The following MAPK9 variants were observed in gnomAD, a reference collection of about 807,000 sequenced individuals.
MAPK9 encodes mitogen-activated protein kinase 9, also known as Jun kinase.
Under a neutral mutation model 57.1 loss-of-function variants are expected in MAPK9, and 30 were observed. That is an observed-to-expected ratio of 0.53 (90% CI 0.39 to 0.71). MAPK9 has a LOEUF of 0.71. MAPK9 is among the 30% of genes least tolerant of loss of function. The pLI is 0.00. For missense variants in MAPK9, 362 were observed against 521.0 expected, an observed-to-expected ratio of 0.69 and a Z score of 2.97; for synonymous variants, 155 against 177.0, an observed-to-expected ratio of 0.88 and a Z score of 0.99.
In MAPK9 at chr5:180,242,752, A is replaced by G; in HGVS notation, c.692T>C (p.Ile231Thr). The G allele has an allele frequency of 6.2e-7, 1 of 1,609,296 alleles. No homozygotes were observed. Among genetic ancestry groups the G allele is most frequent in the Admixed American group, 1.7e-5 (1 of 59,172 alleles). Residue 231 changes from isoleucine to threonine, a missense_variant, in exon 8 of 12, where the codon ATT becomes ACT. Ile to Thr is a moderately conservative substitution (Grantham distance 89). This residue lies in a region of MAPK9 where 199 missense variants were observed against 251.3 expected (regional missense o/e 0.79). Transcript: ENST00000452135. ...GCVIFQGTDHIDQWNKVIEQL... is the reference protein window; with the variant it reads ...GCVIFQGTDHTDQWNKVIEQL... ...CTCAATAACTTTATTCCACTGATCA[A>G]TATCTAAGGAGTTTCTTGAGGAAAA...
At chr5:180,274,676 G>T (rs1320709995) in intron 2 of MAPK9, among the ~76,000 whole-genome samples, 1 of 152,196 alleles carries the variant, frequency 6.6e-6, no homozygotes, top group Non-Finnish European at 1.5e-5. Flanking sequence ...TCGAAATCTT[G>T]ACTTCAGCTT....
intron 5 of MAPK9, among the ~76,000 whole-genome samples, chr5:180,253,157 G>A (rs756721937): frequency 3.5e-4 from 53 of 152,318 alleles, no homozygotes; most frequent in Middle Eastern, 3.4e-3. Context: ...AGGCAGGCCC[G>A]TTCCTGTGTG....
At chr5:180,275,622 G>C (rs945066866) in intron 2 of MAPK9, among the ~76,000 whole-genome samples, 10 of 152,210 alleles carry the variant, frequency 6.6e-5, no homozygotes, top group Non-Finnish European at 1.3e-4. Context: ...TCCTGACCTA[G>C]TAACTCCTCA....
chr5:180,252,942 A>G (rs1375324271), intron 5 of MAPK9, among the ~76,000 whole-genome samples: 9 of 152,204 alleles, frequency 5.9e-5, no homozygotes, highest in Non-Finnish European at 1.3e-4. Context: ...GCGCCACAGG[A>G]AAGCCATTCC....
chr5:180,267,556 C>T (rs549303046), intron 3 of MAPK9, among the ~76,000 whole-genome samples: 84 of 101,756 alleles, frequency 8.3e-4, no homozygotes, highest in East Asian at 6.1e-3. Context: ...AGCGAGACTC[C>T]GTCTCAAAAA....
intron 5 of MAPK9, among the ~76,000 whole-genome samples, chr5:180,250,994 T>G (rs1043633597): frequency 5.9e-5 from 9 of 152,188 alleles, no homozygotes; most frequent in Non-Finnish European, 4.4e-5. Context: ...TCAAAGAGTA[T>G]GACAAGAACA....
chr5:180,272,280 C>T (rs968692808), intron 2 of MAPK9, among the ~76,000 whole-genome samples: 1 of 152,172 alleles, frequency 6.6e-6, no homozygotes, highest in Admixed American at 6.5e-5. Context: ...TATTGCTCTG[C>T]CCCCACCCTT....
rs536122500 is a variant in MAPK9 at position 180,290,849 on chromosome 5, G to A, written c.-48+999C>T. Among the ~76,000 whole-genome samples, 59 of 152,314 alleles carry A rather than the reference G, an allele frequency of 3.9e-4. 1 individual carries two copies. Among genetic ancestry groups the A allele is most frequent in the African/African-American group, 1.4e-3 (58 of 41,574 alleles). ...CTTCCTGTGTGCTTTCTAAGCACTG[G>A]GGATAAAGCAGTGGACAAATCAGAC... On this transcript the variant is annotated intron_variant, in intron 1 of 11. Transcript: ENST00000452135.
intron 10 of MAPK9, 142 bp downstream of exon 10, chr5:180,239,782 G>A (rs1035355333): frequency 4.2e-6 from 3 of 719,140 alleles, no homozygotes; most frequent in African/African-American, 3.6e-5. Context: ...ATTTTCTACT[G>A]GAAACTGGGG....
At chr5:180,255,590 A>C (rs1759190847) in intron 5 of MAPK9, among the ~76,000 whole-genome samples, 2 of 152,110 alleles carry the variant, frequency 1.3e-5, no homozygotes, top group South Asian at 4.2e-4. Flanking sequence ...ACACAAATAG[A>C]GTATAAGTGT....
At chr5:180,285,388 A>C (rs564450857) in intron 1 of MAPK9, among the ~76,000 whole-genome samples, 1 of 152,330 alleles carries the variant, frequency 6.6e-6, no homozygotes, top group Admixed American at 6.5e-5. Context: ...CAGGACCAGC[A>C]CACAGTCCTG....
At chr5:180,275,970 G>A (rs1461850634) in intron 2 of MAPK9, among the ~76,000 whole-genome samples, 2 of 152,032 alleles carry the variant, frequency 1.3e-5, no homozygotes, top group South Asian at 2.1e-4. Context: ...ACAGGTGTTC[G>A]GGCCACCATC....
At chr5:180,263,354 C>T (rs7730064) in intron 4 of MAPK9, among the ~76,000 whole-genome samples, 50,537 of 152,014 alleles carry the variant, frequency 0.33, 8,714 homozygotes, top group Non-Finnish European at 0.36. Flanking sequence ...GACCCTCCGT[C>T]ATCCCTTAAC....
At chr5:180,243,385 G>A (rs1757809902) in intron 7 of MAPK9, among the ~76,000 whole-genome samples, 1 of 152,184 alleles carries the variant, frequency 6.6e-6, no homozygotes, top group Non-Finnish European at 1.5e-5. Flanking sequence ...TAAACACTCA[G>A]TGTGTCAGGA....
intron 10 of MAPK9, among the ~76,000 whole-genome samples, chr5:180,239,689 GA>G (rs1561780550): frequency 2.0e-5 from 3 of 152,072 alleles, no homozygotes. Context: ...GAAAAGCCAT[GA>G]AAAAAATATT....
intron 5 of MAPK9, among the ~76,000 whole-genome samples, chr5:180,256,094 T>C (rs1759244182): frequency 6.6e-6 from 1 of 152,192 alleles, no homozygotes; most frequent in South Asian, 2.1e-4. Context: ...AGAGGTGCCA[T>C]GCAGAGTGAG....
At chr5:180,281,387 A>C (rs1420642197) in intron 1 of MAPK9, among the ~76,000 whole-genome samples, 1 of 152,256 alleles carries the variant, frequency 6.6e-6, no homozygotes, top group Non-Finnish European at 1.5e-5. Flanking sequence ...GCACAGGCTG[A>C]GACTGCTGCT....
intron 3 of MAPK9, among the ~76,000 whole-genome samples, chr5:180,268,688 G>A (rs562995673): frequency 6.6e-5 from 10 of 152,090 alleles, no homozygotes; most frequent in East Asian, 1.9e-4. Context: ...TTAGCCGGGC[G>A]TGGTGGCGGG....
intron 5 of MAPK9, among the ~76,000 whole-genome samples, chr5:180,252,087 T>TGGGGTCA (rs774821858): frequency 8.6e-5 from 13 of 151,904 alleles, no homozygotes; most frequent in East Asian, 1.9e-4. Context: ...GCAGGGTTCG[T>TGGGGTCA]GGGGTCAGGG....
Sources: gnomAD v4.1 joint callset for allele counts (sites outside exome capture counted in the v4.1 genomes callset) on GRCh38, gnomAD v4.1.1 for gene constraint, gnomAD v4.1.1 regional missense constraint, MANE v1.5 for transcripts, NCBI Gene and HGNC (gene_info 2026-07-23, HGNC 2026-07-21) for gene names.